Variants in TFAM observed in about 807,000 individuals in gnomAD.
TFAM encodes mitochondrial transcription factor 1.
A neutral mutation model predicts 30.6 loss-of-function variants in TFAM; 13 were observed. The observed-to-expected ratio is 0.42, with a 90% CI of 0.28 to 0.67. TFAM has a LOEUF of 0.67. TFAM is among the 30% of genes least tolerant of loss of function. The pLI is 0.21. For missense variants in TFAM, 231 were observed against 293.7 expected (o/e 0.79, Z 1.56); for synonymous variants, 106 against 94.8 (o/e 1.12, Z -0.69).
rs1589015613 is a variant in TFAM, at chr10:58,396,239, T to C, written c.*1165T>C. On this transcript the variant is annotated 3_prime_UTR_variant, in exon 7 of 7. Transcript: ENST00000487519. Reference sequence around the variant, plus strand: ...AGCCTGATATTTACTGTCTGTCTGTTTATGGAAAAAATTTATCAACCCATG... The same window carrying C: ...AGCCTGATATTTACTGTCTGTCTGTCTATGGAAAAAATTTATCAACCCATG... 1.3e-5 allele frequency: 2 copies of C among 152,122 alleles called. No individual in the cohort carries two copies. The highest frequency in any genetic ancestry group is 1.9e-4 in the East Asian group (1 of 5,204). The allele number at this position is 152,122 out of a possible 1,614,324, so 9.4% of individuals were successfully genotyped here. A position where few individuals can be genotyped will look rare whatever the true frequency, so the allele number is the denominator to read the frequency against.
chr10:58,388,765 G>C lies in TFAM; in HGVS notation c.387G>C (p.Leu129Phe). Residue 129 changes from leucine (L) to phenylalanine (F), a missense_variant, in exon 4 of 7, where the codon TTG (leucine) becomes TTC (phenylalanine). Physicochemically the swap from Leu to Phe is conservative, Grantham distance 22. Transcript: ENST00000487519. ...EQLTPSQIMS[L>F]EKEIMDKHLK... ...TAACTCCAAGTCAGATTATGTCTTT[G>C]GAAAAAGAAATCATGGACAAACATT... 6.2e-7 allele frequency: 1 copy of C among 1,612,308 alleles called. No homozygotes were observed. The highest frequency in any genetic ancestry group is 8.5e-7 in the Non-Finnish European group (1 of 1,179,308).
At position 58,389,246 on chromosome 10, in the gene TFAM, C is replaced by T. The variant is rs570615715; in HGVS notation, c.441+427C>T. Among the ~76,000 whole-genome samples, 13 of 152,152 alleles carry T rather than the reference C, an allele frequency of 8.5e-5. No homozygotes were observed. The East Asian group carries it at 1.9e-3, about 23-fold the overall frequency. On this transcript the variant is annotated intron_variant, in intron 4 of 6. Transcript: ENST00000487519. ...AGACTGCATTAATTCATTAACACATCGGAAAAATGCCAATTTATCTAATCA... is the reference window on the plus strand; with the variant it reads ...AGACTGCATTAATTCATTAACACATTGGAAAAATGCCAATTTATCTAATCA...
rs918599988 is a variant in TFAM, at chr10:58,398,247, A to G, written c.*3173A>G. On this transcript the variant is annotated 3_prime_UTR_variant, in exon 7 of 7. Transcript: ENST00000487519. Reference sequence around the variant, plus strand: ...TGCTATTATTTTTTAGACTTTTCTTAATTTCATCCAACAAAGTAGTTGCTG... The same window carrying G: ...TGCTATTATTTTTTAGACTTTTCTTGATTTCATCCAACAAAGTAGTTGCTG... 1.4e-4 allele frequency: 22 copies of G among 152,194 alleles called. No individual in the cohort carries two copies. The highest frequency in any genetic ancestry group is 4.8e-4 in the African/African-American group (20 of 41,432). 9.4% of individuals were successfully genotyped at this position (152,194 alleles called of 1,614,324 possible). A position where few individuals can be genotyped will look rare whatever the true frequency, so the allele number is the denominator to read the frequency against.
At chr10:58,390,083 C>T (rs1292389168) in intron 4 of TFAM, among the ~76,000 whole-genome samples, 2 of 152,146 alleles carry the variant, frequency 1.3e-5, no homozygotes, top group African/African-American at 4.8e-5. Flanking sequence ...GCCCTACTTA[C>T]AGTTATGAAT....
intron 3 of TFAM, 124 bp downstream of exon 3, chr10:58,388,384 T>C (rs1840530630): frequency 1.2e-6 from 1 of 867,016 alleles, no homozygotes; most frequent in African/African-American, 1.7e-5. Flanking sequence ...ACAAAGAAAC[T>C]TTATGTCTTC....
intron 5 of TFAM, among the ~76,000 whole-genome samples, chr10:58,394,007 C>G (rs1321569483): frequency 3.9e-5 from 6 of 152,118 alleles, no homozygotes; most frequent in Non-Finnish European, 8.8e-5. Context: ...AGTAGACTTA[C>G]TGGACTTGTG....
At chr10:58,386,902 TAAA>T (rs900916182) in intron 2 of TFAM, among the ~76,000 whole-genome samples, 1 of 146,720 alleles carries the variant, frequency 6.8e-6, no homozygotes, top group African/African-American at 2.5e-5. Flanking sequence ...CTTGGGTTCC[TAAA>T]AAAAAAACAT....
intron 1 of TFAM, 28 bp downstream of exon 1, chr10:58,385,676 G>T: frequency 6.6e-7 from 1 of 1,519,080 alleles, no homozygotes; most frequent in South Asian, 1.2e-5. Context: ...TGCCCTAGGG[G>T]CAGCAGGGCC....
rs41283690 is a variant in TFAM, at chr10:58,394,453, G to A, written c.594+39G>A. ...TTGTTAGTCTCAAGTGTCTACTTAG[G>A]ATATCTGTGAGAGAATGTATTAGGG... On this transcript the variant is annotated intron_variant, in intron 6 of 6. Transcript: ENST00000487519. 0.012 allele frequency: 18,564 copies of A among 1,543,874 alleles called. 150 individuals carry two copies. Among genetic ancestry groups the A allele is most frequent in the Non-Finnish European group, 0.015 (16,755 of 1,115,872 alleles).
rs1028426221 is a variant in TFAM, at chr10:58,395,839, G to A, written c.*765G>A. The stretch of plus-strand genomic sequence containing the variant: ...ATTTTTTTCTGAATTATTTTCTCTC[G>A]TGAGTATATTGATCCAGAAAGAAAA... On this transcript the variant is annotated 3_prime_UTR_variant, in exon 7 of 7. Transcript: ENST00000487519. 8.2e-6 allele frequency: 2 copies of A among 243,264 alleles called. No homozygotes were observed. The highest frequency in any genetic ancestry group is 7.3e-5 in the East Asian group (1 of 13,766). The allele number at this position is 243,264 out of a possible 1,614,324, so 15.1% of individuals were successfully genotyped here.
intron 5 of TFAM, among the ~76,000 whole-genome samples, chr10:58,392,409 T>G (rs915484549): frequency 6.6e-6 from 1 of 151,862 alleles, no homozygotes; most frequent in African/African-American, 2.4e-5. Context: ...TCCTCCCCTT[T>G]AGAACTCCTG....
intron 4 of TFAM, 30 bp downstream of exon 4, chr10:58,388,849 T>C (rs1446823439): frequency 2.6e-5 from 41 of 1,567,160 alleles, no homozygotes; most frequent in Non-Finnish European, 3.4e-5. Flanking sequence ...TTTTTTCTTA[T>C]GGTAAAGAAT....
In TFAM at chr10:58,396,203, A is replaced by G. The variant is rs1264011689; in HGVS notation, c.*1129A>G. ...TGGCAGAGTAGCTGCCACAGAAACT[A>G]TAGCCCACAAAGCCTGATATTTACT... On this transcript the variant is annotated 3_prime_UTR_variant, in exon 7 of 7. Transcript: ENST00000487519. 6.6e-6 allele frequency: 1 copy of G among 152,188 alleles called. No homozygotes were observed. The highest frequency in any genetic ancestry group is 1.5e-5 in the Non-Finnish European group (1 of 68,030). The allele number at this position is 152,188 out of a possible 1,614,324, so 9.4% of individuals were successfully genotyped here.
chr10:58,395,632 AAACTTTT>A lies in TFAM; in HGVS notation c.*559_*565del. ...GTATAAAAGGGACTGAGAAATTTATAAACTTTTTTCTTACTGTCTTTTTTCTAAAGTA... is the reference window on the plus strand; with the variant it reads ...GTATAAAAGGGACTGAGAAATTTATATTCTTACTGTCTTTTTTCTAAAGTA... On this transcript the variant is annotated 3_prime_UTR_variant, in exon 7 of 7. Coordinates refer to ENST00000487519, the MANE Select transcript of TFAM (RefSeq NM_003201.3). 3.9e-6 allele frequency: 1 copy of A among 257,382 alleles called. No homozygotes were observed. The highest frequency in any genetic ancestry group is 7.2e-6 in the Non-Finnish European group (1 of 138,460). 15.9% of individuals were successfully genotyped at this position (257,382 alleles called of 1,614,324 possible).
At chr10:58,393,099 C>A (rs184783899) in intron 5 of TFAM, among the ~76,000 whole-genome samples, 1 of 152,142 alleles carries the variant, frequency 6.6e-6, no homozygotes, top group African/African-American at 2.4e-5. Flanking sequence ...CCTGCCTCAG[C>A]CTGCCTAGTA....
At position 58,385,440 on chromosome 10, in the gene TFAM, C is replaced by T. The variant is rs1009181338; in HGVS notation, c.-108C>T. Reference sequence around the variant, plus strand: ...GCCTCGCTAGTGGCGGGCATGATAACACACGCCGGAGGGTCGCACGCGGGT... The same window carrying T: ...GCCTCGCTAGTGGCGGGCATGATAATACACGCCGGAGGGTCGCACGCGGGT... On this transcript the variant is annotated 5_prime_UTR_variant, in exon 1 of 7. Transcript: ENST00000487519. The T allele has an allele frequency of 3.7e-6, 3 of 801,182 alleles. No homozygotes were observed. Among genetic ancestry groups the T allele is most frequent in the Non-Finnish European group, 6.2e-6 (3 of 481,364 alleles). The allele number at this position is 801,182 out of a possible 1,614,324, so 49.6% of individuals were successfully genotyped here. A position where few individuals can be genotyped will look rare whatever the true frequency, so the allele number is the denominator to read the frequency against.
chr10:58,390,857 G>C lies in TFAM; in HGVS notation c.534G>C (p.Pro178=), dbSNP rs371492198. The C allele has an allele frequency of 2.5e-6, 4 of 1,611,712 alleles. No homozygotes were observed. The highest frequency in any genetic ancestry group is 3.4e-6 in the Non-Finnish European group (4 of 1,178,898). The change falls in exon 5 of 7, where the codon CCG becomes CCC. Residue 178 remains proline, a synonymous_variant. Transcript: ENST00000487519. ...ERFQEAKGDS[P]QEKLKTVKEN... ...TCCAAGAAGCTAAGGGTGATTCACCGCAGGTAAAGCTGAAATATATTTTTG... is the reference window on the plus strand; with the variant it reads ...TCCAAGAAGCTAAGGGTGATTCACCCCAGGTAAAGCTGAAATATATTTTTG...
intron 4 of TFAM, among the ~76,000 whole-genome samples, chr10:58,390,102 A>G (rs1840563665): frequency 6.6e-6 from 1 of 152,234 alleles, no homozygotes; most frequent in Admixed American, 6.5e-5. Context: ...ATAAAAGTTG[A>G]ATTTGTTACT....
chr10:58,386,605 C>T, intron 2 of TFAM: 1 of 1,194,974 alleles, frequency 8.4e-7, no homozygotes, highest in Non-Finnish European at 1.1e-6. Context: ...GGCCTTGTTG[C>T]CTTTGGTCTA....
Sources: allele counts gnomAD v4.1 joint callset (sites outside exome capture counted in the v4.1 genomes callset), GRCh38; gene constraint gnomAD v4.1.1; transcripts MANE v1.5; gene names NCBI Gene and HGNC (gene_info 2026-07-23, HGNC 2026-07-21).